CNOT10: variants seen among roughly 807,000 people sequenced by gnomAD.
The protein encoded by CNOT10 is CCR4-NOT transcription complex subunit 10.
In CNOT10, 30 loss-of-function variants were observed where a neutral mutation model predicts 94.6. The ratio of observed to expected loss-of-function variants is 0.32; its 90% CI spans 0.24 to 0.43. The LOEUF (loss-of-function observed/expected upper bound fraction) is 0.43. Among genes scored for constraint, CNOT10 ranks in the 20% least tolerant of loss-of-function variants. The probability of loss-of-function intolerance (pLI) is 1.00; values close to 1 mark genes in which losing one functional copy is unlikely to be tolerated. For missense variants in CNOT10, 759 were observed against 877.2 expected, an observed-to-expected ratio of 0.87 and a Z score of 1.70; for synonymous variants, 289 against 301.6, an observed-to-expected ratio of 0.96 and a Z score of 0.43.
rs753065645 is a variant in CNOT10 at position 32,708,808 on chromosome 3, A to T, written c.418A>T (p.Ile140Leu). The change falls in exon 4 of 19, where the codon ATA becomes TTA. Residue 140 changes from isoleucine to leucine, a missense_variant. Around this residue, in one of 3 missense-constraint regions of CNOT10, gnomAD observed 682 missense variants for 799.4 expected, o/e 0.85. Transcript: ENST00000328834. The stretch of plus-strand genomic sequence containing the variant: ...AGTTGGTGAAAAACTTTATCAGTTC[A>T]TAGAGCCTTTTGGTATGTTATCTGT... ...ISVGEKLYQF[I>L]EPFEEKFAQA... 1 of 1,609,760 alleles carries T rather than the reference A, an allele frequency of 6.2e-7. No homozygotes were observed. Among genetic ancestry groups the T allele is most frequent in the Non-Finnish European group, 8.5e-7 (1 of 1,178,950 alleles).
chr3:32,708,632 T>G, intron 3 of CNOT10, 38 bp from the exon 4 acceptor site: 1 of 1,560,614 alleles, frequency 6.4e-7, no homozygotes, highest in Non-Finnish European at 8.6e-7. Context: ...TTTTATTTCC[T>G]TAATGTTAAA....
intron 18 of CNOT10, 123 bp from the exon 19 acceptor site, chr3:32,773,334 C>T: frequency 9.9e-7 from 1 of 1,008,048 alleles, no homozygotes. Context: ...AGTATACAGC[C>T]AAGGCTGCAG....
intron 5 of CNOT10, among the ~76,000 whole-genome samples, chr3:32,714,348 A>G (rs776251994): frequency 6.6e-6 from 1 of 152,028 alleles, no homozygotes; most frequent in African/African-American, 2.4e-5. Context: ...AATAGAATCC[A>G]TAACCTGGAT....
chr3:32,717,055 GTAAC>G, intron 6 of CNOT10, 95 bp from the exon 7 acceptor site: 1 of 620,060 alleles, frequency 1.6e-6, no homozygotes. Context: ...AGTAATTAGT[GTAAC>G]TATGTTGTAA....
intron 14 of CNOT10, among the ~76,000 whole-genome samples, chr3:32,762,024 GCCTCCCAAAGTGCTGGGATTA>G (rs1700471078): frequency 6.7e-6 from 1 of 150,076 alleles, no homozygotes; most frequent in East Asian, 2.0e-4. Flanking sequence ...TGCCATCTTG[GCCTCCCAAAGTGCTGGGATTA>G]CAGGCATGAG....
chr3:32,745,136 C>T (rs1436204359), intron 13 of CNOT10, among the ~76,000 whole-genome samples: 1 of 152,154 alleles, frequency 6.6e-6, no homozygotes, highest in Admixed American at 6.6e-5. Context: ...ATCTTGGCCT[C>T]CCAAAGTGCT....
chr3:32,724,536 C>G (rs1401273993), intron 8 of CNOT10, among the ~76,000 whole-genome samples: 2 of 151,990 alleles, frequency 1.3e-5, no homozygotes, highest in African/African-American at 4.8e-5. Context: ...CCTCAGCCTC[C>G]CGAGTAGCTG....
At chr3:32,720,395 A>G (rs769121036) in intron 8 of CNOT10, among the ~76,000 whole-genome samples, 164 bp downstream of exon 8, 2 of 151,996 alleles carry the variant, frequency 1.3e-5, no homozygotes, top group Non-Finnish European at 1.5e-5. Flanking sequence ...TCTTGTTTCT[A>G]CTTTAGAAGA....
chr3:32,764,422 C>G (rs1333860944), intron 15 of CNOT10, 33 bp from the exon 16 acceptor site: 3 of 1,609,984 alleles, frequency 1.9e-6, no homozygotes, highest in Middle Eastern at 3.3e-4. Flanking sequence ...CTCTGTTGTT[C>G]TGCCCCTCAG....
intron 10 of CNOT10, among the ~76,000 whole-genome samples, chr3:32,729,148 A>T (rs6550156): frequency 0.99 from 150,183 of 152,294 alleles, 74,090 homozygotes; most frequent in East Asian, 1. Context: ...CTGGATTTCC[A>T]TCAATGCCTG....
chr3:32,738,931 G>T (rs923672795), intron 13 of CNOT10, among the ~76,000 whole-genome samples: 1 of 141,486 alleles, frequency 7.1e-6, no homozygotes. Context: ...TTGAGTTGGA[G>T]TTTTACTCTC....
intron 13 of CNOT10, chr3:32,753,127 C>A: frequency 1.7e-6 from 1 of 578,148 alleles, no homozygotes; most frequent in South Asian, 1.5e-5. Context: ...CTCTCGAATT[C>A]AATCCAAATA....
chr3:32,719,415 G>A (rs187916487), intron 7 of CNOT10, among the ~76,000 whole-genome samples: 14 of 152,112 alleles, frequency 9.2e-5, no homozygotes, highest in East Asian at 1.9e-4. Flanking sequence ...GCAAGACTCC[G>A]TCTCAATCAA....
intron 5 of CNOT10, among the ~76,000 whole-genome samples, chr3:32,715,481 A>T (rs928238060): frequency 6.6e-6 from 1 of 152,172 alleles, no homozygotes; most frequent in African/African-American, 2.4e-5. Flanking sequence ...TATGAGTGTG[A>T]GTGATAGCTT....
intron 1 of CNOT10, among the ~76,000 whole-genome samples, chr3:32,698,920 G>A (rs780221933): frequency 7.9e-5 from 12 of 152,102 alleles, no homozygotes; most frequent in Non-Finnish European, 1.3e-4. Flanking sequence ...CTTGTAGCTG[G>A]GACTACAGAT....
chr3:32,725,428 A>G (rs1371588064), intron 8 of CNOT10, 22 bp from the exon 9 acceptor site: 2 of 1,610,982 alleles, frequency 1.2e-6, no homozygotes, highest in Non-Finnish European at 1.7e-6. Context: ...TCTGTGGACA[A>G]ATTTATTTGC....
chr3:32,753,832 C>T (rs1243897619), intron 13 of CNOT10: 1 of 1,558,332 alleles, frequency 6.4e-7, no homozygotes, highest in African/African-American at 1.4e-5. Flanking sequence ...TTTTGAGTAC[C>T]AGCTGGTCTG....
At chr3:32,772,078 C>T (rs75969743) in intron 18 of CNOT10, among the ~76,000 whole-genome samples, 3,671 of 152,214 alleles carry the variant, frequency 0.024, 80 homozygotes, top group East Asian at 0.11. Context: ...AGGCCAGGTG[C>T]GGTGGCTCAT....
chr3:32,758,967 A>G (rs541560517), intron 13 of CNOT10, among the ~76,000 whole-genome samples: 9 of 152,336 alleles, frequency 5.9e-5, no homozygotes, highest in African/African-American at 2.2e-4. Context: ...TAATTGGTTG[A>G]GAAAAGAACA....
Sources: gnomAD v4.1 joint callset for allele counts (sites outside exome capture counted in the v4.1 genomes callset) on GRCh38, gnomAD v4.1.1 for gene constraint, gnomAD v4.1.1 regional missense constraint, MANE v1.5 for transcripts, NCBI Gene and HGNC (gene_info 2026-07-23, HGNC 2026-07-21) for gene names.